The following UGT1A8 variants were observed in gnomAD, a reference collection of about 807,000 sequenced individuals.
UGT1A8 encodes the protein UDP glucuronosyltransferase family 1 member A8.
In UGT1A8, 39 loss-of-function variants were observed where a neutral mutation model predicts 45.3. The observed-to-expected ratio is 0.86, with a 90% CI of 0.67 to 1.12. The LOEUF (loss-of-function observed/expected upper bound fraction) is 1.12. Among genes scored for constraint, UGT1A8 ranks in the 50% most tolerant of loss-of-function variants. UGT1A8 has a pLI of 0.00. For synonymous variants in UGT1A8, 275 were observed against 249.2 expected (o/e 1.10, Z -0.97); for missense variants, 719 against 664.9 (o/e 1.08, Z -0.90).
Position 233,661,858 on chromosome 2 carries a change from A to G in UGT1A8, c.855+43296A>G, listed in dbSNP as rs550924246. On this transcript the variant is annotated intron_variant, in intron 1 of 4. Transcript: ENST00000373450. ...ACTAGCGACACTTTGTATGGGTCCT[A>G]TGGTATTATTTAGAGTTTCTGATAT... 1.8e-4 allele frequency among the ~76,000 whole-genome samples: 27 copies of G among 152,036 alleles called. No individual in the cohort carries two copies. The South Asian group carries it at 4.8e-3, about 27-fold the overall frequency.
At chr2:233,699,007 A>C (rs575733122) in intron 1 of UGT1A8, among the ~76,000 whole-genome samples, 1 of 152,358 alleles carries the variant, frequency 6.6e-6, no homozygotes, top group South Asian at 2.1e-4. Context: ...CTGTAAGAAC[A>C]TGAGAGGCTG....
chr2:233,673,097 A>G (rs1217791678), intron 1 of UGT1A8, among the ~76,000 whole-genome samples: 1 of 152,190 alleles, frequency 6.6e-6, no homozygotes, highest in Non-Finnish European at 1.5e-5. Context: ...TGTTAATTCT[A>G]TATGCCCGCC....
intron 1 of UGT1A8, among the ~76,000 whole-genome samples, chr2:233,720,989 G>T (rs570345451): frequency 2.6e-5 from 4 of 151,812 alleles, no homozygotes; most frequent in East Asian, 3.9e-4. Flanking sequence ...GGGATTACAG[G>T]CAAGAGCCAC....
At chr2:233,755,578 G>A (rs931050095) in intron 1 of UGT1A8, 38 of 160,002 alleles carry the variant, frequency 2.4e-4, no homozygotes, top group Non-Finnish European at 4.7e-4. Flanking sequence ...GGAAAAGAGA[G>A]GGCCTTGACT....
intron 1 of UGT1A8, among the ~76,000 whole-genome samples, chr2:233,638,762 T>C (rs2073371533): frequency 6.6e-6 from 1 of 152,206 alleles, no homozygotes; most frequent in Admixed American, 6.5e-5. Flanking sequence ...CATTGGCAGA[T>C]GGTTGGTGAA....
At chr2:233,635,150 T>G (rs1015202660) in intron 1 of UGT1A8, among the ~76,000 whole-genome samples, 1 of 150,938 alleles carries the variant, frequency 6.6e-6, no homozygotes, top group Non-Finnish European at 1.5e-5. Flanking sequence ...TCTGGTTTGT[T>G]GGGTCTCTAA....
intron 1 of UGT1A8, chr2:233,747,707 A>C (rs1693758037): frequency 1.2e-6 from 2 of 1,612,800 alleles, no homozygotes; most frequent in East Asian, 4.5e-5. Context: ...CTAAGTACCT[A>C]TCAATTCCTG....
intron 1 of UGT1A8, among the ~76,000 whole-genome samples, chr2:233,628,947 T>A (rs540167055): frequency 3.3e-5 from 5 of 152,266 alleles, no homozygotes; most frequent in African/African-American, 9.6e-5. Context: ...TATTTAATCA[T>A]TAATTGTGGT....
chr2:233,771,014 CGA>C (rs1700215366), intron 4 of UGT1A8: 2 of 152,012 alleles, frequency 1.3e-5, no homozygotes, highest in Admixed American at 1.3e-4. Context: ...AAAGCAGGAG[CGA>C]GAGAGAGTTG....
intron 1 of UGT1A8, among the ~76,000 whole-genome samples, chr2:233,683,740 T>C (rs776869819): frequency 5.3e-5 from 8 of 152,254 alleles, no homozygotes; most frequent in Non-Finnish European, 1.0e-4. Flanking sequence ...CCCATTTCTC[T>C]TTTGAATTCA....
intron 1 of UGT1A8, chr2:233,761,011 GTGA>G (rs759864220): frequency 6.2e-7 from 1 of 1,614,156 alleles, no homozygotes; most frequent in Non-Finnish European, 8.5e-7. Context: ...TCAGAGAGAG[GTGA>G]CTGTCCAGGA....
chr2:233,714,180 C>T (rs1425005373), intron 1 of UGT1A8, among the ~76,000 whole-genome samples: 1 of 152,158 alleles, frequency 6.6e-6, no homozygotes, highest in Non-Finnish European at 1.5e-5. Flanking sequence ...TGGGCAGGAG[C>T]AGGGACACTA....
At chr2:233,620,391 A>G (rs2072979479) in intron 1 of UGT1A8, among the ~76,000 whole-genome samples, 1 of 152,282 alleles carries the variant, frequency 6.6e-6, no homozygotes. Context: ...CCTTTGGCCG[A>G]GTGTGAGGCT....
intron 1 of UGT1A8, among the ~76,000 whole-genome samples, chr2:233,687,304 G>A (rs6736743): frequency 0.39 from 59,722 of 151,878 alleles, 11,933 homozygotes; most frequent in South Asian, 0.45. Context: ...AGATATCAAT[G>A]TTGTCTTCTT....
chr2:233,628,777 T>A (rs1318024796), intron 1 of UGT1A8, among the ~76,000 whole-genome samples: 1 of 152,132 alleles, frequency 6.6e-6, no homozygotes, highest in Admixed American at 6.6e-5. Context: ...TAGTTTAAGA[T>A]ACTTCCCTTT....
intron 1 of UGT1A8, among the ~76,000 whole-genome samples, chr2:233,726,718 C>T (rs2077554623): frequency 1.3e-5 from 2 of 152,316 alleles, no homozygotes; most frequent in African/African-American, 2.4e-5. Flanking sequence ...TGAGGAAGTA[C>T]AATGTAGATA....
intron 1 of UGT1A8, among the ~76,000 whole-genome samples, chr2:233,661,623 T>TTTTCTTTCTGTCTTTCTTTCTTTC (rs1553602619): frequency 3.2e-5 from 4 of 123,952 alleles, no homozygotes; most frequent in African/African-American, 1.3e-4. Flanking sequence ...ACTTACTGAA[T>TTTTCTTTCTGTCTTTCTTTCTTTC]TTTCTTTCTT....
intron 1 of UGT1A8, among the ~76,000 whole-genome samples, chr2:233,735,310 TA>T (rs978223857): frequency 8.5e-5 from 13 of 152,318 alleles, no homozygotes; most frequent in African/African-American, 2.2e-4. Flanking sequence ...AAGTCTGTTT[TA>T]TCAGAGACTA....
chr2:233,674,521 C>T (rs531084653), intron 1 of UGT1A8, among the ~76,000 whole-genome samples: 5 of 152,202 alleles, frequency 3.3e-5, no homozygotes, highest in South Asian at 2.1e-4. Flanking sequence ...TGCCTCACAG[C>T]GTCACCCAGA....
Sources: allele counts gnomAD v4.1 joint callset (sites outside exome capture counted in the v4.1 genomes callset), GRCh38; gene constraint gnomAD v4.1.1; transcripts MANE v1.5; gene names NCBI Gene and HGNC (gene_info 2026-07-23, HGNC 2026-07-21).